Variants in ADORA2B observed in about 807,000 individuals in gnomAD.
ADORA2B encodes adenosine A2b receptor.
In ADORA2B, 18 loss-of-function variants were observed where a neutral mutation model predicts 20.8. The ratio of observed to expected loss-of-function variants is 0.87; its 90% confidence interval spans 0.60 to 1.29. The LOEUF is 1.29. Among genes scored for constraint, ADORA2B ranks in the 50% most tolerant of loss-of-function variants. ADORA2B has a pLI of 0.00. For synonymous variants in ADORA2B, 179 were observed against 178.3 expected (o/e 1.00, Z -0.03); for missense variants, 441 against 422.7 (o/e 1.04, Z -0.38).
At chr17:15,945,113 C>T, upstream of ADORA2B, 1 of 763,692 alleles carries the variant, frequency 1.3e-6, no homozygotes, top group Non-Finnish European at 1.8e-6. Context: ...GCCACCAGCG[C>T]CCCAGCCCCG....
intron 1 of ADORA2B, among the ~76,000 whole-genome samples, chr17:15,965,372 A>C (rs766154417): frequency 6.6e-6 from 1 of 152,136 alleles, no homozygotes; most frequent in Non-Finnish European, 1.5e-5. Context: ...TACAGCTGTG[A>C]GTCTGTTCCA....
the ADORA2B span, among the ~76,000 whole-genome samples, chr17:15,862,832 A>C: frequency 6.8e-6 from 1 of 147,078 alleles, no homozygotes; most frequent in Non-Finnish European, 1.5e-5. Flanking sequence ...TGGGAGACAG[A>C]GTCTCACTGC....
At chr17:15,944,708 C>G (rs1447424986), upstream of ADORA2B, among the ~76,000 whole-genome samples, 1 of 152,076 alleles carries the variant, frequency 6.6e-6, no homozygotes, top group Non-Finnish European at 1.5e-5. This position sits in a 1 kb window ranked among gnomAD's most constrained non-coding sequence, Gnocchi z 4.8. Flanking sequence ...AGCCCCCCAT[C>G]CAGTCGGCCT....
chr17:15,904,121 G>T, the ADORA2B span, among the ~76,000 whole-genome samples: 1 of 150,758 alleles, frequency 6.6e-6, no homozygotes, highest in African/African-American at 2.5e-5. Flanking sequence ...TTAGCACAAA[G>T]TTTTAACTTT....
intron 1 of ADORA2B, 68 bp downstream of exon 1, chr17:15,945,651 G>A: frequency 7.2e-7 from 1 of 1,387,392 alleles, no homozygotes; most frequent in South Asian, 1.5e-5. Flanking sequence ...TCTTCTCCAG[G>A]CCGGGGTTCC....
At position 15,974,807 on chromosome 17, in the gene ADORA2B, C is replaced by G. The variant is rs769270811; in HGVS notation, c.464C>G (p.Thr155Arg). ...NSKDSATNNC[T>R]EPWDGTTNES... ...AAAGACAGTGCCACCAACAACTGCACAGAACCCTGGGATGGAACCACGAAT... is the reference window on the plus strand; with the variant it reads ...AAAGACAGTGCCACCAACAACTGCAGAGAACCCTGGGATGGAACCACGAAT... Residue 155 changes from threonine to arginine, a missense_variant, in exon 2 of 2, where the codon ACA becomes AGA. Coordinates refer to ENST00000304222, the MANE Select transcript of ADORA2B (RefSeq NM_000676.4). The G allele has an allele frequency of 3.7e-6, 6 of 1,614,062 alleles. No individual in the cohort carries two copies. In the East Asian group the frequency reaches 8.9e-5, roughly 24 times the overall value.
Position 15,974,824 on chromosome 17 carries a change from A to G in ADORA2B, c.481A>G (p.Thr161Ala). The G allele has an allele frequency of 6.2e-7, 1 of 1,614,148 alleles. No individual in the cohort carries two copies. The highest frequency in any genetic ancestry group is 8.5e-7 in the Non-Finnish European group (1 of 1,180,028). Residue 161 changes from threonine (T) to alanine (A), a missense_variant, in exon 2 of 2, where the codon ACC (threonine) becomes GCC (alanine). Physicochemically the swap from Thr to Ala is moderately conservative, Grantham distance 58 (BLOSUM62 0). Coordinates refer to ENST00000304222, the MANE Select transcript of ADORA2B (RefSeq NM_000676.4). ...TNNCTEPWDG[T>A]TNESCCLVKC... ...CAACTGCACAGAACCCTGGGATGGA[A>G]CCACGAATGAAAGCTGCTGCCTTGT...
chr17:15,855,486 C>T, the ADORA2B span, among the ~76,000 whole-genome samples: 1 of 151,800 alleles, frequency 6.6e-6, no homozygotes. Flanking sequence ...GCAATGGAAT[C>T]CTGTGATAAC....
chr17:15,864,555 G>A, the ADORA2B span, among the ~76,000 whole-genome samples: 505 of 152,208 alleles, frequency 3.3e-3, 3 homozygotes, highest in African/African-American at 0.012. Context: ...TGAGCTGATA[G>A]GGATTTCTTT....
At chr17:15,914,196 T>C in the ADORA2B span, among the ~76,000 whole-genome samples, 1 of 152,132 alleles carries the variant, frequency 6.6e-6, no homozygotes, top group Non-Finnish European at 1.5e-5. Flanking sequence ...AAAATAAGGT[T>C]AATTCAAAAA....
At chr17:15,951,347 C>T (rs1410274542) in intron 1 of ADORA2B, among the ~76,000 whole-genome samples, 3 of 152,190 alleles carry the variant, frequency 2.0e-5, no homozygotes, top group East Asian at 1.9e-4. Flanking sequence ...TGCAGACACG[C>T]GGGACGTGGC....
chr17:15,885,526 C>T, the ADORA2B span, among the ~76,000 whole-genome samples: 3 of 152,020 alleles, frequency 2.0e-5, no homozygotes, highest in Admixed American at 6.6e-5. Context: ...CCAGCCTGGC[C>T]AACATGGTGA....
the ADORA2B span, among the ~76,000 whole-genome samples, chr17:15,933,718 T>A: frequency 2.0e-5 from 3 of 152,188 alleles, no homozygotes; most frequent in African/African-American, 7.2e-5. Flanking sequence ...TTTGTGGATC[T>A]CTTAGGGTTT....
chr17:15,896,764 C>T, the ADORA2B span, among the ~76,000 whole-genome samples: 2 of 152,214 alleles, frequency 1.3e-5, no homozygotes, highest in Non-Finnish European at 2.9e-5. Context: ...AAACTTTAGA[C>T]ATCACTTCCA....
the ADORA2B span, among the ~76,000 whole-genome samples, chr17:15,900,365 A>G: frequency 6.6e-6 from 1 of 152,206 alleles, no homozygotes; most frequent in Admixed American, 6.5e-5. Flanking sequence ...ACTAATTTAC[A>G]TTCCCACCAA....
upstream of ADORA2B, chr17:15,945,042 G>T (rs1238184108): frequency 8.9e-6 from 3 of 338,596 alleles, no homozygotes; most frequent in Non-Finnish European, 1.6e-5. Context: ...CGAGACGGGC[G>T]GGCGCGCGGG....
chr17:15,974,483 TCTTA>T (rs1325011767), intron 1 of ADORA2B, 192 bp from the exon 2 acceptor site: 113 of 539,572 alleles, frequency 2.1e-4, no homozygotes, highest in Admixed American at 7.0e-4. Context: ...AGAATGAAGA[TCTTA>T]CTGAGTTTTC....
chr17:15,874,983 A>C, the ADORA2B span, among the ~76,000 whole-genome samples: 6 of 152,094 alleles, frequency 3.9e-5, no homozygotes, highest in South Asian at 1.2e-3. Context: ...CATTCCTTTT[A>C]ATTCTTCATT....
At chr17:15,947,434 G>A (rs1177949061) in intron 1 of ADORA2B, among the ~76,000 whole-genome samples, 2 of 152,238 alleles carry the variant, frequency 1.3e-5, no homozygotes, top group East Asian at 3.8e-4. Flanking sequence ...TTTGTGCTGG[G>A]TGAGGTCTTG....
Sources: gnomAD v4.1 joint callset for allele counts (sites outside exome capture counted in the v4.1 genomes callset) on GRCh38, gnomAD v4.1.1 for gene constraint, Gnocchi (gnomAD v3.1) non-coding constraint, MANE v1.5 for transcripts, NCBI Gene and HGNC (gene_info 2026-07-23, HGNC 2026-07-21) for gene names.